Variants in KRT34 observed in about 807,000 individuals in gnomAD.
KRT34 encodes the protein keratin 34.
Under a neutral mutation model 41.7 loss-of-function variants are expected in KRT34, and 31 were observed. The ratio of observed to expected loss-of-function variants is 0.74; its 90% CI spans 0.56 to 1.00. The LOEUF (loss-of-function observed/expected upper bound fraction) is 1.00, where lower values mean the gene tolerates loss of function less well. KRT34 is among the 50% of genes least tolerant of loss of function. KRT34 has a pLI of 0.00. For synonymous variants in KRT34, 224 were observed against 212.9 expected (o/e 1.05, Z -0.45); for missense variants, 523 against 500.3 (o/e 1.05, Z -0.43).
At position 41,379,672 on chromosome 17, in the gene KRT34, G is replaced by A. The variant is rs758549987; in HGVS notation, c.648C>T (p.Ala216=). The A allele has an allele frequency of 1.2e-6, 2 of 1,614,050 alleles. No individual in the cohort carries two copies. The highest frequency in any genetic ancestry group is 1.3e-5 in the African/African-American group (1 of 74,938). The change falls in exon 4 of 7, where the codon GCC becomes GCT. Residue 216 remains alanine (A), a synonymous_variant. Transcript: ENST00000394001. The stretch of plus-strand genomic sequence containing the variant: ...GGACCTGGTTCAGGTCCACAGTGGG[G>A]GCAGTGTCCACCTCCACGTTGAGGC... ...GDRLNVEVDT[A]PTVDLNQVLN...
At chr17:41,378,385 G>A (rs1221489527) in intron 6 of KRT34, among the ~76,000 whole-genome samples, 1 of 152,146 alleles carries the variant, frequency 6.6e-6, no homozygotes. Context: ...TGCCTCCCAG[G>A]TTCAAGCGAT....
rs760092434 is a variant in KRT34 at position 41,378,107 on chromosome 17, G to A, written c.1137C>T (p.Gly379=). ...AGGTGCCACAGGGTCCACAGGAGTTGCCACTAGCATTGGTGGTGGCGCATG... is the reference window on the plus strand; with the variant it reads ...AGGTGCCACAGGGTCCACAGGAGTTACCACTAGCATTGGTGGTGGCGCATG... ...CNPCATTNAS[G]NSCGPCGTSQ... is the part of the protein sequence containing the mutation. Residue 379 remains glycine, a synonymous_variant, in exon 7 of 7, where the codon GGC becomes GGT. Transcript: ENST00000394001. 10 of 1,613,870 alleles carry A rather than the reference G, an allele frequency of 6.2e-6. No individual in the cohort carries two copies. The highest frequency in any genetic ancestry group is 5.9e-6 in the Non-Finnish European group (7 of 1,179,946).
Position 41,379,467 on chromosome 17 carries a change from C to T in KRT34, c.762G>A (p.Leu254=), listed in dbSNP as rs760307131. ...EQWFATQTEE[L]NKQVVSSSEQ... ...CTGAGCTGGATACCACCTGCTTGTTCAGCTCCTCGGTCTGAAACACCCAAG... is the reference window on the plus strand; with the variant it reads ...CTGAGCTGGATACCACCTGCTTGTTTAGCTCCTCGGTCTGAAACACCCAAG... Residue 254 remains leucine (L), a synonymous_variant, in exon 5 of 7, where the codon CTG becomes CTA. Coordinates refer to ENST00000394001, the MANE Select transcript of KRT34 (RefSeq NM_001386014.1). 37 of 1,614,112 alleles carry T rather than the reference C, an allele frequency of 2.3e-5. No homozygotes were observed. The highest frequency in any genetic ancestry group is 3.1e-5 in the Non-Finnish European group (37 of 1,180,044).
rs777918849 is a variant in KRT34, at chr17:41,378,143, G to T, written c.1101C>A (p.Leu367=). ...RSLLESEDCK[L]PCNPCATTNA... Reference sequence around the variant, plus strand: ...TGGTGGTGGCGCATGGGTTGCAGGGGAGCCTAGGAGGACAAGGAGGTTTAG... The same window carrying T: ...TGGTGGTGGCGCATGGGTTGCAGGGTAGCCTAGGAGGACAAGGAGGTTTAG... The change falls in exon 7 of 7, where the codon CTC becomes CTA. Residue 367 remains leucine (L), a synonymous_variant. Coordinates refer to ENST00000394001, the MANE Select transcript of KRT34 (RefSeq NM_001386014.1). 2 of 1,612,546 alleles carry T rather than the reference G, an allele frequency of 1.2e-6. No individual in the cohort carries two copies. Among genetic ancestry groups the T allele is most frequent in the South Asian group, 1.1e-5 (1 of 90,972 alleles).
Position 41,382,040 on chromosome 17 carries a change from G to A in KRT34, c.207C>T (p.Ser69=). ...CCAGCTGACGCACCTTCTCCAGGTAGCTGGCCAGGCGGTCGTTCAGGAACT... is the reference window on the plus strand; with the variant it reads ...CCAGCTGACGCACCTTCTCCAGGTAACTGGCCAGGCGGTCGTTCAGGAACT... The part of the protein sequence containing the change: ...TMQFLNDRLA[S]YLEKVRQLER... Residue 69 remains serine, a synonymous_variant, in exon 1 of 7, where the codon AGC becomes AGT. Coordinates refer to ENST00000394001, the MANE Select transcript of KRT34 (RefSeq NM_001386014.1). 6.2e-7 allele frequency: 1 copy of A among 1,614,092 alleles called. No individual in the cohort carries two copies. Among genetic ancestry groups the A allele is most frequent in the Non-Finnish European group, 8.5e-7 (1 of 1,180,048 alleles).
In KRT34 at chr17:41,381,739, C is replaced by T. The variant is rs892488665; in HGVS notation, c.405G>A (p.Lys135=). 7.4e-6 allele frequency: 12 copies of T among 1,614,112 alleles called. No homozygotes were observed. Among genetic ancestry groups the T allele is most frequent in the African/African-American group, 1.3e-5 (1 of 74,946 alleles). ...ARLVVNIDNA[K]LASDDFRSKY... is the part of the protein sequence containing the mutation. The stretch of plus-strand genomic sequence containing the variant: ...TGCTTCTGAAGTCGTCAGAGGCCAG[C>T]TTGGCATTGTCAATGTTCACCACCA... The change falls in exon 2 of 7, where the codon AAG becomes AAA. Residue 135 remains lysine, a synonymous_variant. Coordinates refer to ENST00000394001, the MANE Select transcript of KRT34 (RefSeq NM_001386014.1).
At chr17:41,378,285 T>C in intron 6 of KRT34, 139 bp from the exon 7 acceptor site, 1 of 689,094 alleles carries the variant, frequency 1.5e-6, no homozygotes, top group East Asian at 2.7e-5. Flanking sequence ...TGTTTTGTTT[T>C]GTTTTTGAGA....
Position 41,379,673 on chromosome 17 carries a change from G to T in KRT34, c.647C>A (p.Ala216Asp), listed in dbSNP as rs778202313. ...GACCTGGTTCAGGTCCACAGTGGGG[G>T]CAGTGTCCACCTCCACGTTGAGGCG... Reference protein sequence around the residue: ...GDRLNVEVDTAPTVDLNQVLN... With the variant: ...GDRLNVEVDTDPTVDLNQVLN... The change falls in exon 4 of 7, where the codon GCC (alanine) becomes GAC (aspartate). Residue 216 changes from alanine to aspartate, a missense_variant. Physicochemically the swap from Ala to Asp is moderately radical, Grantham distance 126. Transcript: ENST00000394001. 7 of 1,614,018 alleles carry T rather than the reference G, an allele frequency of 4.3e-6. No homozygotes were observed. The highest frequency in any genetic ancestry group is 1.7e-5 in the Admixed American group (1 of 60,002).
chr17:41,381,930 T>C lies in KRT34; in HGVS notation c.317A>G (p.Tyr106Cys), dbSNP rs368667266. 6.2e-7 allele frequency: 1 copy of C among 1,614,220 alleles called. No individual in the cohort carries two copies. The highest frequency in any genetic ancestry group is 2.2e-5 in the East Asian group (1 of 44,890). ...CTGGAGCTCCTCAATGGTCTTGAAG[T>C]AGGACTGGTAGCTGGGGCACAGCAA... ...EPLLCPSYQS[Y>C]FKTIEELQQK... Residue 106 changes from tyrosine (Y) to cysteine (C), a missense_variant, in exon 1 of 7, where the codon TAC (tyrosine) becomes TGC (cysteine). Coordinates refer to ENST00000394001, the MANE Select transcript of KRT34 (RefSeq NM_001386014.1).
chr17:41,378,051 C>T lies in KRT34; in HGVS notation c.*8G>A. On this transcript the variant is annotated 3_prime_UTR_variant, in exon 7 of 7. Coordinates refer to ENST00000394001, the MANE Select transcript of KRT34 (RefSeq NM_001386014.1). The stretch of plus-strand genomic sequence containing the variant: ...TTTGTAGATGTCTTCAAAGAGGATA[C>T]AAGCTTTTCAATTACAGCAACCCTT... 6.2e-7 allele frequency: 1 copy of T among 1,606,090 alleles called. No individual in the cohort carries two copies. The highest frequency in any genetic ancestry group is 8.5e-7 in the Non-Finnish European group (1 of 1,172,924).
At position 41,378,122 on chromosome 17, in the gene KRT34, G is replaced by A. The variant is rs138280869; in HGVS notation, c.1122C>T (p.Thr374=). The change falls in exon 7 of 7, where the codon ACC becomes ACT. Residue 374 remains threonine, a synonymous_variant. Coordinates refer to ENST00000394001, the MANE Select transcript of KRT34 (RefSeq NM_001386014.1). ...DCKLPCNPCA[T]TNASGNSCGP... Reference sequence around the variant, plus strand: ...CACAGGAGTTGCCACTAGCATTGGTGGTGGCGCATGGGTTGCAGGGGAGCC... The same window carrying A: ...CACAGGAGTTGCCACTAGCATTGGTAGTGGCGCATGGGTTGCAGGGGAGCC... The A allele has an allele frequency of 8.7e-6, 14 of 1,613,708 alleles. No individual in the cohort carries two copies. Among genetic ancestry groups the A allele is most frequent in the Non-Finnish European group, 1.1e-5 (13 of 1,179,784 alleles).
chr17:41,379,597 C>A lies in KRT34; in HGVS notation c.723G>T (p.Arg241Ser). 6.2e-7 allele frequency: 1 copy of A among 1,614,080 alleles called. No individual in the cohort carries two copies. Among genetic ancestry groups the A allele is most frequent in the Middle Eastern group, 1.7e-4 (1 of 6,058 alleles). ...QYEALVEINR[R>S]EVEQWFATQT... Reference sequence around the variant, plus strand: ...GCGTGGCGAACCATTGCTCCACTTCCCTGCGGTTAATTTCCACCAGAGCCT... The same window carrying A: ...GCGTGGCGAACCATTGCTCCACTTCACTGCGGTTAATTTCCACCAGAGCCT... Residue 241 changes from arginine (R) to serine (S), a missense_variant, in exon 4 of 7, where the codon AGG (arginine) becomes AGT (serine). Arg to Ser is a moderately radical substitution (Grantham distance 110). Transcript: ENST00000394001.
At position 41,379,725 on chromosome 17, in the gene KRT34, T is replaced by C. The variant is rs1217282220; in HGVS notation, c.595A>G (p.Asn199Asp). Residue 199 changes from asparagine (N) to aspartate (D), a missense_variant, in exon 4 of 7, where the codon AAC becomes GAC. Transcript: ENST00000394001. ...TCTCCAAGCTGGGAGCGCAGGGTGT[T>C]AACCTCCTGTTGGAGAAAAGGGAAA... ...CLKKNHEEEV[N>D]TLRSQLGDRL... The C allele has an allele frequency of 2.5e-6, 4 of 1,598,386 alleles. No homozygotes were observed. The highest frequency in any genetic ancestry group is 3.4e-6 in the Non-Finnish European group (4 of 1,173,608).
intron 6 of KRT34, among the ~76,000 whole-genome samples, chr17:41,378,472 G>C (rs919305241): frequency 2.6e-5 from 4 of 152,008 alleles, no homozygotes; most frequent in African/African-American, 9.7e-5. Context: ...TGTATTTTTG[G>C]TAGCGATGGG....
At chr17:41,381,263 C>T in intron 2 of KRT34, 51 bp from the exon 3 acceptor site, 1 of 1,581,544 alleles carries the variant, frequency 6.3e-7, no homozygotes, top group African/African-American at 1.3e-5. Flanking sequence ...CCACCTTCCC[C>T]TCTCATGTGT....
At chr17:41,378,349 C>T (rs1197529507) in intron 6 of KRT34, among the ~76,000 whole-genome samples, 6 of 152,194 alleles carry the variant, frequency 3.9e-5, no homozygotes, top group Admixed American at 6.5e-5. Flanking sequence ...TCTTGGCTCA[C>T]TGCAAGTGGG....
chr17:41,383,562 A>T (rs574246638), upstream of KRT34, among the ~76,000 whole-genome samples: 9 of 152,358 alleles, frequency 5.9e-5, no homozygotes, highest in African/African-American at 2.2e-4. Flanking sequence ...TTCAGATGGC[A>T]GCACTGAAGC....
At chr17:41,378,756 A>G (rs1034468874) in intron 6 of KRT34, among the ~76,000 whole-genome samples, 200 bp downstream of exon 6, 3 of 151,758 alleles carry the variant, frequency 2.0e-5, no homozygotes, top group Non-Finnish European at 4.4e-5. Flanking sequence ...TCCTGCCACC[A>G]CTCCTCCATT....
chr17:41,380,833 T>A (rs1280687831), intron 3 of KRT34, among the ~76,000 whole-genome samples: 1 of 152,164 alleles, frequency 6.6e-6, no homozygotes, highest in Non-Finnish European at 1.5e-5. Flanking sequence ...ATGAATGATG[T>A]CCCTCCTCAG....
Sources: gnomAD v4.1 joint callset for allele counts (sites outside exome capture counted in the v4.1 genomes callset) on GRCh38, gnomAD v4.1.1 for gene constraint, MANE v1.5 for transcripts, NCBI Gene and HGNC (gene_info 2026-07-23, HGNC 2026-07-21) for gene names.